The following GOLGB1 variants were observed in gnomAD, a reference collection of about 807,000 sequenced individuals.
GOLGB1 encodes golgin B1.
A neutral mutation model predicts 336.9 loss-of-function variants in GOLGB1; 174 were observed. The ratio of observed to expected loss-of-function variants is 0.52; its 90% CI spans 0.46 to 0.59. The LOEUF (loss-of-function observed/expected upper bound fraction) is 0.59, where lower values mean the gene tolerates loss of function less well. Ranked by LOEUF, GOLGB1 falls within the 20% of genes least tolerant of loss-of-function variation. The pLI, the probability that GOLGB1 is intolerant of heterozygous loss-of-function variation, is 0.00. For missense variants in GOLGB1, 3,331 were observed against 3,645.3 expected, an observed-to-expected ratio of 0.91 and a Z score of 2.22; for synonymous variants, 1,208 against 1,289.2, an observed-to-expected ratio of 0.94 and a Z score of 1.35.
chr3:121,747,377 C>CTATATACGTATATATATACA lies in GOLGB1; in HGVS notation c.-3+2235_-3+2254dup, dbSNP rs539264839. Among the ~76,000 whole-genome samples, 12 of 130,604 alleles carry CTATATACGTATATATATACA rather than the reference C, an allele frequency of 9.2e-5. No individual in the cohort carries two copies. The East Asian group carries it at 2.5e-3, about 28-fold the overall frequency. 85.7% of individuals were successfully genotyped at this position (130,604 alleles called of 152,430 possible). Reference sequence around the variant, plus strand: ...TATATACGTATATATACGTATATGTCTATATACGTATATATATACATATAT... The same window carrying CTATATACGTATATATATACA: ...TATATACGTATATATACGTATATGTCTATATACGTATATATATACATATATACGTATATATATACATATAT... On this transcript the variant is annotated intron_variant, in intron 1 of 21. Transcript: ENST00000614479.
intron 14 of GOLGB1, among the ~76,000 whole-genome samples, chr3:121,685,391 C>T (rs924550550): frequency 4.6e-5 from 7 of 151,862 alleles, no homozygotes; most frequent in East Asian, 1.9e-4. Context: ...AAAAATTAGC[C>T]GGGCAAGGTG....
intron 12 of GOLGB1, 94 bp downstream of exon 12, chr3:121,699,718 G>GT: frequency 1.5e-6 from 1 of 687,230 alleles, no homozygotes. Context: ...GTACTTCTCT[G>GT]GCAACACTAG....
At chr3:121,711,878 T>TGTCAATTCTTAAACTGATCAATA (rs1355050154) in intron 10 of GOLGB1, among the ~76,000 whole-genome samples, 3 of 152,226 alleles carry the variant, frequency 2.0e-5, no homozygotes, top group African/African-American at 4.8e-5. Flanking sequence ...ACAGTAGTGT[T>TGTCAATTCTTAAACTGATCAATA]GTCAATTCTT....
intron 14 of GOLGB1, among the ~76,000 whole-genome samples, chr3:121,689,263 G>T (rs1942172928): frequency 6.6e-6 from 1 of 152,232 alleles, no homozygotes. Flanking sequence ...TGTCTGTGTA[G>T]AAAGAAGTAG....
At chr3:121,716,220 C>A (rs1430271242) in intron 9 of GOLGB1, among the ~76,000 whole-genome samples, 1 of 152,054 alleles carries the variant, frequency 6.6e-6, no homozygotes, top group Non-Finnish European at 1.5e-5. Flanking sequence ...GCACATATTA[C>A]TTTTATAATA....
chr3:121,681,540 T>C, intron 15 of GOLGB1, 147 bp downstream of exon 15: 1 of 620,912 alleles, frequency 1.6e-6, no homozygotes, highest in Non-Finnish European at 2.8e-6. Context: ...TTTGATACTG[T>C]GCTACAGTTA....
intron 13 of GOLGB1, 137 bp downstream of exon 13, chr3:121,693,604 G>A (rs1942665112): frequency 3.0e-6 from 2 of 665,104 alleles, no homozygotes; most frequent in East Asian, 2.6e-5. Flanking sequence ...AAAAAAGTCA[G>A]AAGTGAGAGA....
At chr3:121,714,415 T>C (rs753028763) in intron 10 of GOLGB1, among the ~76,000 whole-genome samples, 4 of 152,182 alleles carry the variant, frequency 2.6e-5, no homozygotes, top group African/African-American at 4.8e-5. Context: ...GGCCATTATA[T>C]ACTTTTTTAC....
intron 15 of GOLGB1, among the ~76,000 whole-genome samples, chr3:121,678,354 T>A (rs1333609642): frequency 6.6e-6 from 1 of 152,224 alleles, no homozygotes; most frequent in Non-Finnish European, 1.5e-5. Flanking sequence ...CATTAAGAAC[T>A]CTCTTAGAGA....
At chr3:121,737,560 C>T (rs565416597) in intron 1 of GOLGB1, among the ~76,000 whole-genome samples, 2 of 150,870 alleles carry the variant, frequency 1.3e-5, no homozygotes, top group East Asian at 3.9e-4. Context: ...CTGAGGCAGA[C>T]GAATCACTTG....
chr3:121,726,010 T>G (rs1451266910), intron 5 of GOLGB1, among the ~76,000 whole-genome samples: 1 of 151,888 alleles, frequency 6.6e-6, no homozygotes, highest in Admixed American at 6.6e-5. Context: ...TAAATTTCTG[T>G]TATTATAAAT....
intron 12 of GOLGB1, 108 bp from the exon 13 acceptor site, chr3:121,699,037 G>A: frequency 1.3e-6 from 1 of 799,938 alleles, no homozygotes; most frequent in East Asian, 2.7e-5. Flanking sequence ...AGACTTTTTG[G>A]TCAAAACCTT....
In GOLGB1 at chr3:121,685,868, CCCCA is replaced by C. The variant is rs1941672179; in HGVS notation, c.8695-4007_8695-4004del. ...CATATAACTTTATTTTTAACCCAAA[CCCCA>C]AAACATATTTTTGTTTTGATTTAAG... On this transcript the variant is annotated intron_variant, in intron 14 of 21. Transcript: ENST00000614479. Among the ~76,000 whole-genome samples the C allele has an allele frequency of 2.6e-5, 4 of 152,234 alleles. No individual in the cohort carries two copies. The South Asian group carries it at 8.3e-4, about 32-fold the overall frequency.
rs142104492 is a variant in GOLGB1 at position 121,700,381 on chromosome 3, G to A, written c.1520-496C>T. Among the ~76,000 whole-genome samples the A allele has an allele frequency of 2.1e-4, 32 of 152,176 alleles. No individual in the cohort carries two copies. The East Asian group carries it at 2.1e-3, about 10-fold the overall frequency. ...GAAATGACACAACCCGAAAGGTTAC[G>A]CAGCTAGTTCAGGGAGCTGGGATTA... On this transcript the variant is annotated intron_variant, in intron 11 of 21. Transcript: ENST00000614479.
rs1350554282 is a variant in GOLGB1, at chr3:121,698,366, T to C, written c.2157A>G (p.Lys719=). The change falls in exon 13 of 22, where the codon AAA becomes AAG. Residue 719 remains lysine, a synonymous_variant. Coordinates refer to ENST00000614479, the MANE Select transcript of GOLGB1 (RefSeq NM_001366282.2). ...QEIYEKNLDE[K]AKEISNLNQL... ...GGTTTAGGTTGCTAATTTCCTTAGC[T>C]TTCTCATCTAAATTTTTCTCATAGA... 6.2e-7 allele frequency: 1 copy of C among 1,613,808 alleles called. No individual in the cohort carries two copies. Among genetic ancestry groups the C allele is most frequent in the East Asian group, 2.2e-5 (1 of 44,884 alleles).
At position 121,681,802 on chromosome 3, in the gene GOLGB1, G is replaced by A. The variant is rs542868605; in HGVS notation, c.8758C>T (p.His2920Tyr). Residue 2920 changes from histidine to tyrosine, a missense_variant, in exon 15 of 22, where the codon CAT (histidine) becomes TAT (tyrosine). Coordinates refer to ENST00000614479, the MANE Select transcript of GOLGB1 (RefSeq NM_001366282.2). ...LQINQEITEL[H>Y]PLKAQLQEYQ... ...TCCTGAAGTTGAGCCTTCAGTGGATGTAACTCAGTGATCTCTTGATTAATC... is the reference window on the plus strand; with the variant it reads ...TCCTGAAGTTGAGCCTTCAGTGGATATAACTCAGTGATCTCTTGATTAATC... The A allele has an allele frequency of 2.5e-6, 4 of 1,601,076 alleles. No individual in the cohort carries two copies. The East Asian group carries it at 6.7e-5, about 27-fold the overall frequency.
At chr3:121,673,109 A>C in intron 17 of GOLGB1, among the ~76,000 whole-genome samples, 1 of 148,458 alleles carries the variant, frequency 6.7e-6, no homozygotes. Flanking sequence ...TCGCTCTGTC[A>C]CCCAGGCTGG....
At chr3:121,715,223 A>G (rs1294264925) in intron 9 of GOLGB1, among the ~76,000 whole-genome samples, 3 of 127,560 alleles carry the variant, frequency 2.4e-5, no homozygotes, top group Admixed American at 1.6e-4. Flanking sequence ...TTTTTTTTTG[A>G]TACGGAGTCT....
At chr3:121,749,330 T>C (rs987614205) in intron 1 of GOLGB1, among the ~76,000 whole-genome samples, 1 of 152,062 alleles carries the variant, frequency 6.6e-6, no homozygotes, top group Non-Finnish European at 1.5e-5. Context: ...CCTAGGCGCT[T>C]TTCCCCGTCG....
Sources: gnomAD v4.1 joint callset for allele counts (sites outside exome capture counted in the v4.1 genomes callset) on GRCh38, gnomAD v4.1.1 for gene constraint, MANE v1.5 for transcripts, NCBI Gene and HGNC (gene_info 2026-07-23, HGNC 2026-07-21) for gene names.